Variants in SOX6 observed in about 807,000 individuals in gnomAD.
The protein encoded by SOX6 is transcription factor SOX-6.
In SOX6, 11 loss-of-function variants were observed where a neutral mutation model predicts 97.8. The observed-to-expected ratio is 0.11, with a 90% CI of 0.07 to 0.19. The LOEUF (loss-of-function observed/expected upper bound fraction) is 0.19, where lower values mean the gene tolerates loss of function less well. Among genes scored for constraint, SOX6 ranks in the 10% least tolerant of loss-of-function variants. The pLI is 1.00. For synonymous variants in SOX6, 360 were observed against 371.4 expected, an observed-to-expected ratio of 0.97 and a Z score of 0.35; for missense variants, 810 against 1,039.5, an observed-to-expected ratio of 0.78 and a Z score of 3.04.
chr11:16,407,070 A>T (rs1858701502), intron 1 of SOX6, among the ~76,000 whole-genome samples: 1 of 152,028 alleles, frequency 6.6e-6, no homozygotes, highest in Admixed American at 6.6e-5. Context: ...AAAACTACAA[A>T]CTTTTTTGTC....
chr11:16,280,198 GCAGATA>G (rs1387036181), intron 3 of SOX6, among the ~76,000 whole-genome samples: 1 of 152,020 alleles, frequency 6.6e-6, no homozygotes, highest in Non-Finnish European at 1.5e-5. Context: ...TGTCGAAAAT[GCAGATA>G]CAGTAATTTT....
chr11:16,106,293 T>G (rs1849081943), intron 7 of SOX6, among the ~76,000 whole-genome samples: 1 of 151,966 alleles, frequency 6.6e-6, no homozygotes, highest in Admixed American at 6.6e-5. Context: ...AGTTCAAATT[T>G]TAACACAAAG....
At chr11:16,516,716 CA>C in intron 4 of SOX6, among the ~76,000 whole-genome samples, 1 of 148,382 alleles carries the variant, frequency 6.7e-6, no homozygotes, top group South Asian at 2.2e-4. Context: ...AGTCCAGGAC[CA>C]GATGGATTCA....
At position 16,223,376 on chromosome 11, in the gene SOX6, C is replaced by T. The variant is rs946728297; in HGVS notation, c.535+11206G>A. ...TACAAAAATGGGACTAAATTTACCA[C>T]CCCAAAATGTTATGAAATCAGCATT... On this transcript the variant is annotated intron_variant, in intron 4 of 15. Coordinates refer to ENST00000683767, the MANE Select transcript of SOX6 (RefSeq NM_001367873.1). Among the ~76,000 whole-genome samples the T allele has an allele frequency of 5.3e-5, 8 of 152,188 alleles. No individual in the cohort carries two copies. In the East Asian group the frequency reaches 1.4e-3, roughly 26 times the overall value.
chr11:16,103,273 AG>A (rs1470696894), intron 7 of SOX6, among the ~76,000 whole-genome samples: 6 of 151,918 alleles, frequency 3.9e-5, no homozygotes, highest in Non-Finnish European at 8.8e-5. Context: ...TATAAAAAAA[AG>A]CTCAACATCA....
At chr11:16,368,001 A>G (rs368789410) in intron 1 of SOX6, among the ~76,000 whole-genome samples, 1 of 152,148 alleles carries the variant, frequency 6.6e-6, no homozygotes, top group East Asian at 1.9e-4. Context: ...TAATCTCATT[A>G]TTCAGGGACT....
At chr11:16,066,094 T>A (rs184206095) in intron 9 of SOX6, among the ~76,000 whole-genome samples, 7 of 152,162 alleles carry the variant, frequency 4.6e-5, no homozygotes, top group African/African-American at 1.7e-4. Flanking sequence ...AATTAAAACA[T>A]GGGTAAAATA....
At chr11:16,121,849 A>G (rs1421852055) in intron 6 of SOX6, among the ~76,000 whole-genome samples, 1 of 152,048 alleles carries the variant, frequency 6.6e-6, no homozygotes, top group Non-Finnish European at 1.5e-5. Context: ...GCTATGCAAA[A>G]GTAAAATGTA....
intron 3 of SOX6, among the ~76,000 whole-genome samples, chr11:16,289,347 C>T (rs1313574158): frequency 6.6e-6 from 1 of 151,910 alleles, no homozygotes; most frequent in Non-Finnish European, 1.5e-5. Context: ...ACAAGTCTGG[C>T]ACACTCTGGT....
chr11:16,078,877 T>C (rs1259985283), intron 9 of SOX6, among the ~76,000 whole-genome samples: 2 of 152,040 alleles, frequency 1.3e-5, no homozygotes, highest in African/African-American at 4.8e-5. Context: ...GGCAAGGGTG[T>C]ACTTGTGCTT....
Position 16,605,269 on chromosome 11 carries a change from G to A in SOX6, n.609+6812C>T, listed in dbSNP as rs1418993942. On this transcript the variant is annotated intron_variant and non_coding_transcript_variant, in intron 4 of 5. Coordinates refer to the SOX6 transcript ENST00000524520. This position sits in a 1 kb window ranked among gnomAD's most constrained non-coding sequence, Gnocchi z 5.3. ...GGAAGAAACGTGCCGGCGACCGTGCGCTCGGCCGGGTGACTCCCTGGCGAA... is the reference window on the plus strand; with the variant it reads ...GGAAGAAACGTGCCGGCGACCGTGCACTCGGCCGGGTGACTCCCTGGCGAA... Among the ~76,000 whole-genome samples the A allele has an allele frequency of 6.6e-6, 1 of 152,058 alleles. No individual in the cohort carries two copies. Among genetic ancestry groups the A allele is most frequent in the Non-Finnish European group, 1.5e-5 (1 of 67,988 alleles).
intron 3 of SOX6, among the ~76,000 whole-genome samples, chr11:16,706,017 C>A (rs1327512356): frequency 1.3e-5 from 2 of 152,002 alleles, no homozygotes; most frequent in Non-Finnish European, 2.9e-5. Flanking sequence ...GGATTCAACT[C>A]TCTAATTGAA....
intron 3 of SOX6, among the ~76,000 whole-genome samples, chr11:16,305,101 T>C (rs964153212): frequency 2.6e-5 from 4 of 152,110 alleles, no homozygotes; most frequent in Non-Finnish European, 5.9e-5. Flanking sequence ...CTTTCATCTG[T>C]GAAAGCCCAT....
chr11:16,067,874 G>A (rs1389741193), intron 9 of SOX6, among the ~76,000 whole-genome samples: 2 of 152,002 alleles, frequency 1.3e-5, no homozygotes, highest in Admixed American at 6.6e-5. Flanking sequence ...CCTATTTGTA[G>A]AGGATAAAGA....
chr11:16,416,044 C>T (rs1236252886), intron 1 of SOX6, among the ~76,000 whole-genome samples: 3 of 152,064 alleles, frequency 2.0e-5, no homozygotes, highest in Non-Finnish European at 4.4e-5. Flanking sequence ...CCTACCTCTC[C>T]GTACAATGAA....
chr11:16,162,543 C>A (rs1267484214), intron 6 of SOX6, among the ~76,000 whole-genome samples: 1 of 152,108 alleles, frequency 6.6e-6, no homozygotes, highest in Non-Finnish European at 1.5e-5. Context: ...GCATCTCCCC[C>A]TCACACTCTC....
intron 4 of SOX6, among the ~76,000 whole-genome samples, chr11:16,517,077 C>G (rs1287865418): frequency 6.7e-6 from 1 of 149,534 alleles, no homozygotes; most frequent in African/African-American, 2.5e-5. Context: ...AAGACAAAAA[C>G]CACATGATTA....
upstream of SOX6, among the ~76,000 whole-genome samples, chr11:16,358,173 C>G (rs1857119977): frequency 6.6e-6 from 1 of 152,170 alleles, no homozygotes. Flanking sequence ...CAAAAGATGA[C>G]TCTGACCACA....
intron 3 of SOX6, among the ~76,000 whole-genome samples, chr11:16,665,057 G>A (rs1345011801): frequency 6.6e-6 from 1 of 151,948 alleles, no homozygotes; most frequent in East Asian, 2.0e-4. Flanking sequence ...TAACCAGACA[G>A]TATTTGCCAT....
Sources: gnomAD v4.1 joint callset for allele counts (sites outside exome capture counted in the v4.1 genomes callset) on GRCh38, gnomAD v4.1.1 for gene constraint, Gnocchi (gnomAD v3.1) non-coding constraint, MANE v1.5 for transcripts, NCBI Gene and HGNC (gene_info 2026-07-23, HGNC 2026-07-21) for gene names.